SPATS1: variants seen among roughly 807,000 people sequenced by gnomAD.
SPATS1 encodes spermatogenesis-associated serine-rich protein 1.
A neutral mutation model predicts 33.6 loss-of-function variants in SPATS1; 23 were observed. The observed-to-expected ratio is 0.68, with a 90% CI of 0.49 to 0.97. SPATS1 has a LOEUF of 0.97. SPATS1 is among the 50% of genes least tolerant of loss of function. The pLI is 0.00. For synonymous variants in SPATS1, 131 were observed against 125.6 expected, an observed-to-expected ratio of 1.04 and a Z score of -0.29; for missense variants, 327 against 361.0, an observed-to-expected ratio of 0.91 and a Z score of 0.76.
chr6:44,376,105 CA>C (rs560465363), intron 7 of SPATS1, among the ~76,000 whole-genome samples: 184 of 141,558 alleles, frequency 1.3e-3, no homozygotes, highest in East Asian at 2.2e-3. Context: ...GACTTTGTTT[CA>C]AAAAAAAAAA....
At chr6:44,373,571 T>C (rs1256226739) in intron 7 of SPATS1, among the ~76,000 whole-genome samples, 1 of 152,270 alleles carries the variant, frequency 6.6e-6, no homozygotes, top group Admixed American at 6.5e-5. Context: ...TCATCAAAGT[T>C]GTTCATATCT....
intron 4 of SPATS1, 141 bp from the exon 5 acceptor site, chr6:44,361,690 G>T (rs1293392136): frequency 2.4e-6 from 3 of 1,250,620 alleles, no homozygotes; most frequent in Non-Finnish European, 3.4e-6. Flanking sequence ...CACTGTCTCT[G>T]ATGTAGAACC....
Position 44,379,560 on chromosome 6 carries a change from A to C in SPATS1, c.*2497A>C, listed in dbSNP as rs1428905479. Among the ~76,000 whole-genome samples the C allele has an allele frequency of 7.8e-6, 1 of 127,578 alleles. No individual in the cohort carries two copies. Among genetic ancestry groups the C allele is most frequent in the Non-Finnish European group, 1.6e-5 (1 of 63,730 alleles). The allele number at this position is 127,578 out of a possible 152,430, so 83.7% of individuals were successfully genotyped here. On this transcript the variant is annotated 3_prime_UTR_variant, in exon 9 of 9. Transcript: ENST00000674044. Reference sequence around the variant, plus strand: ...GCTTGCAGTGACCCAAGATTGTGCCACTGCACTCCAGCCTGGGCAACAGAG... The same window carrying C: ...GCTTGCAGTGACCCAAGATTGTGCCCCTGCACTCCAGCCTGGGCAACAGAG...
At chr6:44,344,112 G>C (rs908878455) in intron 2 of SPATS1, among the ~76,000 whole-genome samples, 4 of 152,134 alleles carry the variant, frequency 2.6e-5, no homozygotes, top group Admixed American at 6.6e-5. Context: ...AGGAGAAAAG[G>C]GTTCTGGGAT....
intron 6 of SPATS1, among the ~76,000 whole-genome samples, chr6:44,369,038 A>T (rs1340923580): frequency 6.6e-6 from 1 of 151,840 alleles, no homozygotes; most frequent in Non-Finnish European, 1.5e-5. Flanking sequence ...CTGGGACTAC[A>T]GGTGCCCGCC....
At chr6:44,361,487 T>G (rs1788918334) in intron 4 of SPATS1, 1 of 985,342 alleles carries the variant, frequency 1.0e-6, no homozygotes, top group African/African-American at 1.7e-5. Flanking sequence ...TACACCGTTA[T>G]CAGAGTGAAG....
chr6:44,361,898 C>T lies in SPATS1; in HGVS notation c.480C>T (p.Val160=), dbSNP rs116214111. 2.0e-3 allele frequency: 3,277 copies of T among 1,614,226 alleles called. 44 individuals are homozygous for T. The African/African-American group carries it at 0.035, about 17-fold the overall frequency. Residue 160 remains valine, a synonymous_variant, in exon 5 of 9, where the codon GTC becomes GTT. Transcript: ENST00000674044. The part of the protein sequence containing the change: ...RFSSNIHTYH[V]GKQCFFNGVF... The stretch of plus-strand genomic sequence containing the variant: ...GCAGCAACATCCACACCTACCACGT[C>T]GGAAAGCAGTGCTTCTTTAATGGAG...
At chr6:44,357,254 A>G (rs988296157) in intron 3 of SPATS1, among the ~76,000 whole-genome samples, 2 of 152,064 alleles carry the variant, frequency 1.3e-5, no homozygotes, top group Non-Finnish European at 2.9e-5. Flanking sequence ...GCTTCCTCCA[A>G]TGCCTTGCTG....
intron 7 of SPATS1, among the ~76,000 whole-genome samples, chr6:44,370,406 T>C (rs960700876): frequency 2.0e-5 from 3 of 152,190 alleles, no homozygotes; most frequent in African/African-American, 7.2e-5. Flanking sequence ...GGGTTCCTGA[T>C]TCCTAGAACA....
intron 7 of SPATS1, among the ~76,000 whole-genome samples, chr6:44,372,523 C>T (rs966743093): frequency 4.0e-5 from 6 of 151,682 alleles, no homozygotes; most frequent in South Asian, 2.1e-4. Flanking sequence ...AGTGCAGTGG[C>T]GCAATCTGGG....
intron 3 of SPATS1, among the ~76,000 whole-genome samples, chr6:44,357,077 TAA>T (rs1244183300): frequency 6.6e-6 from 1 of 152,200 alleles, no homozygotes; most frequent in Non-Finnish European, 1.5e-5. Flanking sequence ...TAAAGCTTGA[TAA>T]AAAAGAGTCC....
chr6:44,366,759 G>C (rs1451638008), intron 5 of SPATS1, among the ~76,000 whole-genome samples: 4 of 152,164 alleles, frequency 2.6e-5, no homozygotes, highest in Non-Finnish European at 4.4e-5. Flanking sequence ...GGGATGAGGG[G>C]TATTAGTCCA....
chr6:44,353,807 G>T (rs1035310216), intron 3 of SPATS1, among the ~76,000 whole-genome samples: 2 of 152,022 alleles, frequency 1.3e-5, no homozygotes, highest in Non-Finnish European at 2.9e-5. Context: ...GGAGGCCGAG[G>T]CTGGTGGATC....
intron 5 of SPATS1, among the ~76,000 whole-genome samples, chr6:44,364,664 G>A (rs1358760577): frequency 6.6e-6 from 1 of 152,036 alleles, no homozygotes; most frequent in Non-Finnish European, 1.5e-5. Context: ...ACTTGATACT[G>A]TCAAGCTTGA....
At chr6:44,344,631 T>C (rs533692473) in intron 2 of SPATS1, among the ~76,000 whole-genome samples, 3 of 152,248 alleles carry the variant, frequency 2.0e-5, no homozygotes, top group South Asian at 2.1e-4. Context: ...CAGACAGAGC[T>C]ATTATGACAA....
At chr6:44,364,933 G>A (rs766686049) in intron 5 of SPATS1, among the ~76,000 whole-genome samples, 4 of 152,054 alleles carry the variant, frequency 2.6e-5, no homozygotes, top group African/African-American at 7.3e-5. Flanking sequence ...GGGATTACAG[G>A]CATGTGCCAC....
intron 2 of SPATS1, among the ~76,000 whole-genome samples, chr6:44,349,360 G>A (rs1788099905): frequency 2.6e-5 from 4 of 151,592 alleles, no homozygotes; most frequent in Admixed American, 6.6e-5. Context: ...GAAATATTAG[G>A]TCAGTATTAG....
At chr6:44,351,122 CAAAAAAAAAA>C (rs34139961) in intron 2 of SPATS1, among the ~76,000 whole-genome samples, 1 of 75,516 alleles carries the variant, frequency 1.3e-5, no homozygotes, top group Admixed American at 1.4e-4. Flanking sequence ...GACTCTGTGT[CAAAAAAAAAA>C]AAAAAAAAAA....
chr6:44,368,898 A>T (rs934817131), intron 6 of SPATS1, among the ~76,000 whole-genome samples: 71 of 134,588 alleles, frequency 5.3e-4, no homozygotes, highest in African/African-American at 1.8e-3. Flanking sequence ...GGTGTATTAC[A>T]TTTTTTTTTT....
Sources: gnomAD v4.1 joint callset for allele counts (sites outside exome capture counted in the v4.1 genomes callset) on GRCh38, gnomAD v4.1.1 for gene constraint, MANE v1.5 for transcripts, NCBI Gene and HGNC (gene_info 2026-07-23, HGNC 2026-07-21) for gene names.